The following NFAM1 variants were observed in gnomAD, a reference collection of about 807,000 sequenced individuals.
NFAM1 encodes NFAT activation molecule 1.
In NFAM1, 17 loss-of-function variants were observed where a neutral mutation model predicts 29.0. The observed-to-expected ratio is 0.59, with a 90% CI of 0.40 to 0.88. NFAM1 has a LOEUF of 0.88. NFAM1 is among the 40% of genes least tolerant of loss of function. The pLI is 0.00. For synonymous variants in NFAM1, 175 were observed against 147.2 expected (o/e 1.19, Z -1.36); for missense variants, 324 against 344.6 (o/e 0.94, Z 0.47).
intron 1 of NFAM1, 84 bp downstream of exon 1, chr22:42,432,153 G>T: frequency 8.1e-7 from 1 of 1,239,332 alleles, no homozygotes; most frequent in Non-Finnish European, 1.2e-6. Context: ...CAGGTCCCTG[G>T]GAATTAGCTG....
intron 3 of NFAM1, among the ~76,000 whole-genome samples, chr22:42,408,625 G>T (rs530046420): frequency 3.9e-4 from 59 of 152,364 alleles, no homozygotes; most frequent in African/African-American, 1.3e-3. Context: ...CATGTGCTGG[G>T]CAAGGAGCCC....
chr22:42,386,996 AG>A lies in NFAM1; in HGVS notation c.745del (p.Leu249SerfsTer47), dbSNP rs1305141050. ...GCCCCAGCGCCTGTGTACCTGGGAG[AG>A]GGGGCTCTGCTTGGCGGTGGGTGAG... Reference protein sequence around the residue: ...GSSPTAKQSPLSQERPHRFED... With the variant: ...GSSPTAKQSPXSQERPHRFED... On this transcript the variant is annotated frameshift_variant, in exon 5 of 6. Transcript: ENST00000329021. LOFTEE classifies it high-confidence loss of function. The A allele has an allele frequency of 6.4e-7, 1 of 1,555,722 alleles. No individual in the cohort carries two copies. Among genetic ancestry groups the A allele is most frequent in the East Asian group, 2.5e-5 (1 of 40,404 alleles).
At chr22:42,426,616 C>G (rs1158816849) in intron 1 of NFAM1, among the ~76,000 whole-genome samples, 2 of 152,202 alleles carry the variant, frequency 1.3e-5, no homozygotes, top group Non-Finnish European at 2.9e-5. Flanking sequence ...GGCAAAGGCG[C>G]CATCAGGGCT....
In NFAM1 at chr22:42,409,945, C is replaced by T. The variant is rs936214763; in HGVS notation, c.452-398G>A. 3.3e-5 allele frequency among the ~76,000 whole-genome samples: 5 copies of T among 152,158 alleles called. No individual in the cohort carries two copies. The highest frequency in any genetic ancestry group is 1.2e-4 in the African/African-American group (5 of 41,416). On this transcript the variant is annotated intron_variant, in intron 2 of 5. Coordinates refer to ENST00000329021, the MANE Select transcript of NFAM1 (RefSeq NM_145912.8). This position sits in a 1 kb window ranked among gnomAD's most constrained non-coding sequence, Gnocchi z 4.9. The stretch of plus-strand genomic sequence containing the variant: ...GATTTATCCTGGGACTGACAGGGGG[C>T]TGCACCCAGGCTAGGTGAGGCCCAG...
chr22:42,396,927 C>T (rs566578710), intron 4 of NFAM1, among the ~76,000 whole-genome samples: 5 of 148,988 alleles, frequency 3.4e-5, no homozygotes, highest in Admixed American at 6.6e-5. Context: ...AGCCAGGGGG[C>T]GTGCACCTGG....
At chr22:42,427,596 C>A (rs1480413808) in intron 1 of NFAM1, among the ~76,000 whole-genome samples, 1 of 152,204 alleles carries the variant, frequency 6.6e-6, no homozygotes, top group African/African-American at 2.4e-5. Flanking sequence ...ACAAGCCATA[C>A]AAGAGGCAGT....
chr22:42,404,057 C>T (rs1203305102), intron 3 of NFAM1, among the ~76,000 whole-genome samples: 1 of 152,200 alleles, frequency 6.6e-6, no homozygotes, highest in East Asian at 1.9e-4. Context: ...ACCCCCATCC[C>T]TCCTGCCCCA....
chr22:42,429,106 G>C (rs2146559531), intron 1 of NFAM1, among the ~76,000 whole-genome samples: 1 of 152,352 alleles, frequency 6.6e-6, no homozygotes, highest in South Asian at 2.1e-4. Flanking sequence ...GGATGAGCTG[G>C]AGGCCGTGGG....
intron 1 of NFAM1, among the ~76,000 whole-genome samples, chr22:42,417,568 C>CT (rs1453898866): frequency 1.3e-5 from 2 of 152,134 alleles, no homozygotes; most frequent in African/African-American, 4.8e-5. Context: ...AGAGCGGGGC[C>CT]TGGAGGTGGC....
Position 42,409,498 on chromosome 22 carries a change from A to G in NFAM1, c.501T>C (p.Phe167=), listed in dbSNP as rs773081832. Residue 167 remains phenylalanine, a synonymous_variant, in exon 3 of 6, where the codon TTT becomes TTC. Transcript: ENST00000329021. This position sits in a 1 kb window ranked among gnomAD's most constrained non-coding sequence, Gnocchi z 4.9. ...GGACACTCAGGAGGCCGGTGAAGCC[A>G]AAGAGCAGGAGCTTCTGTGGACTCT... ...PPQSPQKLLL[F]GFTGLLSVLS... The G allele has an allele frequency of 2.6e-6, 4 of 1,567,976 alleles. No individual in the cohort carries two copies. In the South Asian group the frequency reaches 3.5e-5, roughly 14 times the overall value.
intron 3 of NFAM1, among the ~76,000 whole-genome samples, chr22:42,400,753 C>T (rs1929699017): frequency 6.6e-6 from 1 of 152,246 alleles, no homozygotes; most frequent in East Asian, 1.9e-4. Flanking sequence ...TTCTTGAGGG[C>T]ACCGTCACAG....
chr22:42,388,053 A>G lies in NFAM1; in HGVS notation c.664-975T>C, dbSNP rs1261404201. 6.6e-6 allele frequency among the ~76,000 whole-genome samples: 1 copy of G among 152,228 alleles called. No individual in the cohort carries two copies. The highest frequency in any genetic ancestry group is 1.5e-5 in the Non-Finnish European group (1 of 68,056). On this transcript the variant is annotated intron_variant, in intron 4 of 5. Transcript: ENST00000329021. The surrounding 1 kb of genome is among the most constrained non-coding windows in gnomAD (Gnocchi z 4.1). ...TGCTTGGCACAAAGGGAGCAGCACC[A>G]AATGAGCTATGGTAAGGGGGCTTCC...
intron 1 of NFAM1, among the ~76,000 whole-genome samples, chr22:42,412,115 C>A (rs992174932): frequency 9.9e-5 from 15 of 152,010 alleles, no homozygotes; most frequent in African/African-American, 3.4e-4. Context: ...GCCTGTAATC[C>A]CAGCTACTCG....
chr22:42,386,293 G>A (rs1254038377), intron 5 of NFAM1, among the ~76,000 whole-genome samples: 1 of 151,946 alleles, frequency 6.6e-6, no homozygotes, highest in Non-Finnish European at 1.5e-5. Context: ...AGAATTGCTT[G>A]AACCTGAGAA....
intron 3 of NFAM1, among the ~76,000 whole-genome samples, chr22:42,399,934 G>C (rs117463610): frequency 6.6e-6 from 1 of 152,228 alleles, no homozygotes; most frequent in South Asian, 2.1e-4. Flanking sequence ...GCACATAATG[G>C]CTCAGAGCAT....
rs1021536784 is a variant in NFAM1 at position 42,426,750 on chromosome 22, G to A, written c.121+5487C>T. Among the ~76,000 whole-genome samples, 5 of 152,302 alleles carry A rather than the reference G, an allele frequency of 3.3e-5. No homozygotes were observed. In the South Asian group the frequency reaches 6.2e-4, roughly 19 times the overall value. On this transcript the variant is annotated intron_variant, in intron 1 of 5. Coordinates refer to ENST00000329021, the MANE Select transcript of NFAM1 (RefSeq NM_145912.8). ...GGGTGCAGAGGAATAGGTGGGGCCA[G>A]TGGCTGGGCCCAGAGAAGCCTGGTG...
At chr22:42,410,252 A>G (rs1930037310) in intron 2 of NFAM1, 1 of 227,770 alleles carries the variant, frequency 4.4e-6, no homozygotes, top group Non-Finnish European at 9.1e-6. Flanking sequence ...ACCCAGGTCT[A>G]TGGGATTCCG....
intron 1 of NFAM1, among the ~76,000 whole-genome samples, chr22:42,415,745 C>G (rs1362676448): frequency 6.6e-6 from 1 of 152,198 alleles, no homozygotes; most frequent in African/African-American, 2.4e-5. Context: ...TGGCTGCCAA[C>G]TAGAAGCGGT....
rs1293311288 is a variant in NFAM1 at position 42,419,989 on chromosome 22, GGTTTTTT to G, written c.122-8260_122-8254del. 0.025 allele frequency among the ~76,000 whole-genome samples: 1,407 copies of G among 56,448 alleles called. 157 individuals carry two copies. The highest frequency in any genetic ancestry group is 0.05 in the East Asian group (58 of 1,166). The allele number at this position is 56,448 out of a possible 152,430, so 37.0% of individuals were successfully genotyped here. ...CCTTTGAGTCTGTAATCCCACTCTT[GGTTTTTT>G]TTTTTTTTTTTTTTTTTTTTTTTTT... is the stretch of plus-strand genomic sequence containing the variant. On this transcript the variant is annotated intron_variant, in intron 1 of 5. Coordinates refer to ENST00000329021, the MANE Select transcript of NFAM1 (RefSeq NM_145912.8). This position sits in a 1 kb window ranked among gnomAD's most constrained non-coding sequence, Gnocchi z 4.5.
Sources: allele counts gnomAD v4.1 joint callset (sites outside exome capture counted in the v4.1 genomes callset), GRCh38; gene constraint gnomAD v4.1.1; non-coding constraint Gnocchi (gnomAD v3.1); transcripts MANE v1.5; gene names NCBI Gene and HGNC (gene_info 2026-07-23, HGNC 2026-07-21).